WDR70: variants seen among roughly 807,000 people sequenced by gnomAD.
WDR70 encodes the protein WD repeat domain 70.
A neutral mutation model predicts 88.6 loss-of-function variants in WDR70; 53 were observed. The observed-to-expected ratio is 0.60, with a 90% CI of 0.48 to 0.75. The LOEUF is 0.75. WDR70 is among the 30% of genes least tolerant of loss of function. The pLI is 0.00. For synonymous variants in WDR70, 280 were observed against 270.0 expected, an observed-to-expected ratio of 1.04 and a Z score of -0.36; for missense variants, 610 against 823.2, an observed-to-expected ratio of 0.74 and a Z score of 3.17.
At chr5:37,648,533 A>G (rs935468547) in intron 10 of WDR70, among the ~76,000 whole-genome samples, 3 of 136,052 alleles carry the variant, frequency 2.2e-5, no homozygotes, top group Non-Finnish European at 4.4e-5. Context: ...TTTTAGTGGT[A>G]ATCTCTTGGT....
chr5:37,625,469 A>G (rs1412545053), intron 10 of WDR70, among the ~76,000 whole-genome samples: 1 of 151,970 alleles, frequency 6.6e-6, no homozygotes, highest in African/African-American at 2.4e-5. Flanking sequence ...TGTTGACCAT[A>G]TGTATGTCGT....
chr5:37,605,031 T>TTA, intron 9 of WDR70, 33 bp from the exon 10 acceptor site: 1 of 1,493,944 alleles, frequency 6.7e-7, no homozygotes, highest in Non-Finnish European at 8.9e-7. Flanking sequence ...TTTTTTTTTT[T>TTA]AAATAAATGA....
At chr5:37,698,031 C>T (rs893591734) in intron 11 of WDR70, 1 of 285,146 alleles carries the variant, frequency 3.5e-6, no homozygotes, top group African/African-American at 2.2e-5. Context: ...CACAAATGAT[C>T]CTTGCTTCTG....
intron 9 of WDR70, among the ~76,000 whole-genome samples, chr5:37,533,783 G>A (rs112428657): frequency 0.012 from 1,791 of 152,170 alleles, 48 homozygotes; most frequent in African/African-American, 0.041. Flanking sequence ...CCAGGGAAGT[G>A]GGGGAAAGCC....
chr5:37,476,889 T>G (rs1739503162), intron 7 of WDR70, among the ~76,000 whole-genome samples: 1 of 152,122 alleles, frequency 6.6e-6, no homozygotes, highest in Non-Finnish European at 1.5e-5. Flanking sequence ...TAGGCTGGAG[T>G]GTAGTGACGC....
intron 5 of WDR70, among the ~76,000 whole-genome samples, chr5:37,424,844 G>A (rs1750072161): frequency 6.6e-6 from 1 of 151,976 alleles, no homozygotes; most frequent in Non-Finnish European, 1.5e-5. Context: ...TTTTTTATAT[G>A]TGCCTACTAT....
At chr5:37,464,651 T>C (rs1739103560) in intron 7 of WDR70, among the ~76,000 whole-genome samples, 1 of 152,164 alleles carries the variant, frequency 6.6e-6, no homozygotes, top group African/African-American at 2.4e-5. Flanking sequence ...CTGTGGCTCA[T>C]TGAATGAAGA....
intron 11 of WDR70, chr5:37,698,004 TAAGAGTTTG>T (rs1747033981): frequency 8.7e-6 from 3 of 345,384 alleles, no homozygotes; most frequent in African/African-American, 6.2e-5. Context: ...TCAAATTCCA[TAAGAGTTTG>T]AAGCCTCCAC....
At chr5:37,574,513 T>C (rs1476574730) in intron 9 of WDR70, among the ~76,000 whole-genome samples, 1 of 152,204 alleles carries the variant, frequency 6.6e-6, no homozygotes, top group African/African-American at 2.4e-5. Context: ...TGTCAGGATT[T>C]GTTTCTGGAC....
intron 8 of WDR70, among the ~76,000 whole-genome samples, chr5:37,508,509 G>A (rs1383783704): frequency 6.6e-6 from 1 of 152,154 alleles, no homozygotes; most frequent in Non-Finnish European, 1.5e-5. Flanking sequence ...GTCACTGATT[G>A]GCTGAGAGTT....
intron 10 of WDR70, among the ~76,000 whole-genome samples, chr5:37,671,036 T>C (rs946736445): frequency 2.6e-5 from 4 of 152,240 alleles, no homozygotes; most frequent in Non-Finnish European, 5.9e-5. Flanking sequence ...TTTTATTTTT[T>C]AAATCTTGGC....
At chr5:37,509,794 T>C (rs943820624) in intron 8 of WDR70, among the ~76,000 whole-genome samples, 11 of 149,592 alleles carry the variant, frequency 7.4e-5, no homozygotes, top group Non-Finnish European at 1.5e-4. Flanking sequence ...AGATTCTTTT[T>C]TTTTTTTTTT....
chr5:37,667,191 G>T (rs1266421801), intron 10 of WDR70, among the ~76,000 whole-genome samples: 1 of 152,082 alleles, frequency 6.6e-6, no homozygotes, highest in Non-Finnish European at 1.5e-5. Context: ...GAGAAAAAAA[G>T]TTATTTTATG....
At chr5:37,476,546 TTTC>T (rs1248874262) in intron 7 of WDR70, among the ~76,000 whole-genome samples, 1 of 79,084 alleles carries the variant, frequency 1.3e-5, no homozygotes, top group African/African-American at 3.0e-5. Context: ...TTGTTTCTTT[TTTC>T]TTCTTCTTTT....
At chr5:37,432,431 C>G (rs1456754315) in intron 5 of WDR70, among the ~76,000 whole-genome samples, 1 of 152,196 alleles carries the variant, frequency 6.6e-6, no homozygotes, top group Admixed American at 6.5e-5. Flanking sequence ...CTCTGTGGCC[C>G]AGGCTGGAGT....
chr5:37,676,913 C>T (rs546594828), intron 10 of WDR70, among the ~76,000 whole-genome samples: 7 of 152,214 alleles, frequency 4.6e-5, no homozygotes, highest in African/African-American at 1.2e-4. Context: ...AATTTCAGAT[C>T]CTGTTATTGG....
At chr5:37,688,726 C>T (rs1746686756) in intron 10 of WDR70, among the ~76,000 whole-genome samples, 1 of 101,446 alleles carries the variant, frequency 9.9e-6, no homozygotes, top group South Asian at 3.6e-4. Context: ...CCAAGATGGC[C>T]AAATAGGAAC....
chr5:37,647,574 G>A (rs1019620709), intron 10 of WDR70, among the ~76,000 whole-genome samples: 1 of 152,184 alleles, frequency 6.6e-6, no homozygotes, highest in African/African-American at 2.4e-5. Flanking sequence ...GGTCACTGTA[G>A]TCATATTTTC....
chr5:37,586,933 T>C (rs931377274), intron 9 of WDR70, among the ~76,000 whole-genome samples: 1 of 152,194 alleles, frequency 6.6e-6, no homozygotes, highest in African/African-American at 2.4e-5. Flanking sequence ...CTATTGCCAC[T>C]TCTACCAAAA....
Sources: allele counts gnomAD v4.1 joint callset (sites outside exome capture counted in the v4.1 genomes callset), GRCh38; gene constraint gnomAD v4.1.1; transcripts MANE v1.5; gene names NCBI Gene and HGNC (gene_info 2026-07-23, HGNC 2026-07-21).